Variants in LAMA2 observed in about 807,000 individuals in gnomAD.
LAMA2 encodes laminin subunit alpha-2.
In LAMA2, 269 loss-of-function variants were observed where a neutral mutation model predicts 364.8. That is an observed-to-expected ratio of 0.74 (90% CI 0.67 to 0.82). The LOEUF (loss-of-function observed/expected upper bound fraction) is 0.82, where lower values mean the gene tolerates loss of function less well. Ranked by LOEUF, LAMA2 falls within the 40% of genes least tolerant of loss-of-function variation. The pLI is 0.00. For synonymous variants in LAMA2, 1,379 were observed against 1,370.6 expected, an observed-to-expected ratio of 1.01 and a Z score of -0.14; for missense variants, 3,807 against 3,873.2, an observed-to-expected ratio of 0.98 and a Z score of 0.45.
intron 15 of LAMA2, among the ~76,000 whole-genome samples, chr6:129,266,173 C>G (rs112773102): frequency 1.3e-5 from 2 of 152,054 alleles, no homozygotes; most frequent in Admixed American, 1.3e-4. Context: ...AAATAACCCA[C>G]AAGATGCAAT....
intron 2 of LAMA2, among the ~76,000 whole-genome samples, chr6:129,051,321 T>C (rs1787993035): frequency 6.7e-6 from 1 of 149,100 alleles, no homozygotes; most frequent in South Asian, 2.1e-4. Context: ...TTTATTTTTA[T>C]TTTGTTTTTG....
At chr6:129,188,722 A>G (rs905102539) in intron 10 of LAMA2, among the ~76,000 whole-genome samples, 1 of 151,986 alleles carries the variant, frequency 6.6e-6, no homozygotes, top group African/African-American at 2.4e-5. Context: ...AGGTTCCCAC[A>G]TAGAAGTGGC....
At chr6:128,885,733 T>TGAATCAA (rs1441768335) in intron 1 of LAMA2, among the ~76,000 whole-genome samples, 9 of 152,206 alleles carry the variant, frequency 5.9e-5, no homozygotes, top group Non-Finnish European at 2.9e-5. Flanking sequence ...CAACCATTTT[T>TGAATCAA]AGATGTTGCA....
chr6:129,205,458 T>A (rs1782565054), intron 12 of LAMA2, among the ~76,000 whole-genome samples: 1 of 140,434 alleles, frequency 7.1e-6, no homozygotes, highest in African/African-American at 2.9e-5. Context: ...ATACTTCTCT[T>A]CTGGGAATTT....
At chr6:128,957,566 C>T (rs919904851) in intron 1 of LAMA2, among the ~76,000 whole-genome samples, 1 of 151,958 alleles carries the variant, frequency 6.6e-6, no homozygotes, top group Non-Finnish European at 1.5e-5. Context: ...TTCTTGAAGT[C>T]GTGCTTATTA....
intron 30 of LAMA2, among the ~76,000 whole-genome samples, chr6:129,348,892 C>A (rs1167819847): frequency 6.6e-6 from 1 of 152,026 alleles, no homozygotes; most frequent in Non-Finnish European, 1.5e-5. Flanking sequence ...GATTTTATGC[C>A]CTTTTTTTAA....
intron 10 of LAMA2, among the ~76,000 whole-genome samples, chr6:129,188,156 T>TGA (rs1781339688): frequency 2.6e-5 from 4 of 151,894 alleles, no homozygotes; most frequent in Non-Finnish European, 1.5e-5. Context: ...TGAGTATATC[T>TGA]TTTTACCCAA....
chr6:129,116,394 T>G (rs886993872), intron 4 of LAMA2, among the ~76,000 whole-genome samples: 2 of 152,164 alleles, frequency 1.3e-5, no homozygotes, highest in Non-Finnish European at 2.9e-5. Context: ...GTGATTTTGT[T>G]TGTCTCCTTA....
chr6:129,228,291 GC>G (rs1172540577), intron 12 of LAMA2, among the ~76,000 whole-genome samples: 1 of 152,122 alleles, frequency 6.6e-6, no homozygotes, highest in Non-Finnish European at 1.5e-5. Flanking sequence ...GTGAGGTGAT[GC>G]CTCGCCCTGC....
chr6:129,202,963 T>C (rs1462401232), intron 12 of LAMA2, among the ~76,000 whole-genome samples: 1 of 152,236 alleles, frequency 6.6e-6, no homozygotes, highest in Non-Finnish European at 1.5e-5. Flanking sequence ...TCACTAGTGC[T>C]AGCTGTCACA....
chr6:129,104,899 G>GC (rs1394471447), intron 4 of LAMA2, among the ~76,000 whole-genome samples: 1 of 152,106 alleles, frequency 6.6e-6, no homozygotes, highest in Non-Finnish European at 1.5e-5. Flanking sequence ...GAGAAGAGAA[G>GC]CTTATTCTGA....
intron 10 of LAMA2, among the ~76,000 whole-genome samples, chr6:129,179,349 T>A (rs188125363): frequency 1.1e-3 from 170 of 152,208 alleles, no homozygotes; most frequent in African/African-American, 4.0e-3. Context: ...CTAGAATATA[T>A]AAAATCAAAC....
chr6:129,355,776 T>G (rs1418392015), intron 32 of LAMA2, among the ~76,000 whole-genome samples: 1 of 152,162 alleles, frequency 6.6e-6, no homozygotes, highest in African/African-American at 2.4e-5. Context: ...AGAGTTAATT[T>G]TGCTTCCTTT....
At chr6:129,021,137 A>C (rs950792769) in intron 1 of LAMA2, among the ~76,000 whole-genome samples, 1 of 152,216 alleles carries the variant, frequency 6.6e-6, no homozygotes, top group Non-Finnish European at 1.5e-5. Flanking sequence ...TAGTAGGCTT[A>C]AATTCCAGTG....
intron 1 of LAMA2, among the ~76,000 whole-genome samples, chr6:129,025,804 T>G (rs1785768161): frequency 6.6e-6 from 1 of 152,178 alleles, no homozygotes; most frequent in Non-Finnish European, 1.5e-5. Flanking sequence ...CTCAATACAT[T>G]ATGTAGCCAC....
chr6:129,396,829 T>G (rs1047204267), intron 37 of LAMA2, among the ~76,000 whole-genome samples: 1 of 151,374 alleles, frequency 6.6e-6, no homozygotes, highest in African/African-American at 2.4e-5. Flanking sequence ...ATACAAAAAT[T>G]AGTCGGGCAT....
intron 3 of LAMA2, among the ~76,000 whole-genome samples, chr6:129,064,115 A>G (rs932346097): frequency 3.9e-5 from 6 of 152,152 alleles, no homozygotes; most frequent in African/African-American, 1.4e-4. Flanking sequence ...GATGTGTTGT[A>G]CAAGGAGGGA....
At chr6:129,298,529 C>T (rs1238427367) in intron 21 of LAMA2, among the ~76,000 whole-genome samples, 1 of 152,154 alleles carries the variant, frequency 6.6e-6, no homozygotes, top group Non-Finnish European at 1.5e-5. Flanking sequence ...AAAGAGTGAA[C>T]ATTAGCCTTG....
rs774505007 is a variant in LAMA2 at position 129,460,240 on chromosome 6, T to C, written c.6908T>C (p.Met2303Thr). 27 of 1,611,862 alleles carry C rather than the reference T, an allele frequency of 1.7e-5. No individual in the cohort carries two copies. The highest frequency in any genetic ancestry group is 1.9e-5 in the Non-Finnish European group (22 of 1,178,452). The change falls in exon 49 of 65, where the codon ATG (methionine) becomes ACG (threonine). Residue 2303 changes from methionine (M) to threonine (T), a missense_variant. Physicochemically the swap from Met to Thr is moderately conservative, Grantham distance 81. Coordinates refer to ENST00000421865, the MANE Select transcript of LAMA2 (RefSeq NM_000426.4). The stretch of plus-strand genomic sequence containing the variant: ...CGTGTGATTACATTCACTGGCTGCA[T>C]GGGAGAAACATACTTTGACAACAAA... Reference protein sequence around the residue: ...AVRVITFTGCMGETYFDNKPI... With the variant: ...AVRVITFTGCTGETYFDNKPI...
Sources: allele counts gnomAD v4.1 joint callset (sites outside exome capture counted in the v4.1 genomes callset), GRCh38; gene constraint gnomAD v4.1.1; transcripts MANE v1.5; gene names NCBI Gene and HGNC (gene_info 2026-07-23, HGNC 2026-07-21).